Variants in FAM111B observed in about 807,000 individuals in gnomAD.
The protein encoded by FAM111B is FAM111 trypsin like peptidase B.
A neutral mutation model predicts 2.8 loss-of-function variants in FAM111B; 1 was observed. That is an observed-to-expected ratio of 0.36 (90% confidence interval 0.13 to 1.70). The LOEUF (loss-of-function observed/expected upper bound fraction) is 1.70, where lower values mean the gene tolerates loss of function less well. FAM111B is among the 40% of genes most tolerant of loss of function. The pLI is 0.35. For synonymous variants in FAM111B, 297 were observed against 295.6 expected (o/e 1.00, Z -0.05); for missense variants, 882 against 878.9 (o/e 1.00, Z -0.04).
chr11:59,110,959 G>A (rs1171966246), intron 3 of FAM111B, among the ~76,000 whole-genome samples: 1 of 152,120 alleles, frequency 6.6e-6, no homozygotes, highest in Non-Finnish European at 1.5e-5. Context: ...TTCTAATTGT[G>A]AAACAATAAA....
At chr11:59,124,130 CAT>C (rs755225765) in intron 3 of FAM111B, 47 bp from the exon 4 acceptor site, 1 of 1,295,294 alleles carries the variant, frequency 7.7e-7, no homozygotes, top group South Asian at 1.6e-5. Flanking sequence ...AAATATAAAA[CAT>C]TATTAAAGGT....
At chr11:59,112,198 T>A (rs10896922) in intron 3 of FAM111B, among the ~76,000 whole-genome samples, 24,766 of 152,192 alleles carry the variant, frequency 0.16, 2,197 homozygotes, top group Non-Finnish European at 0.2. Flanking sequence ...TGGCAACCAC[T>A]AATCTGTTCA....
At chr11:59,124,140 G>T (rs201851649) in intron 3 of FAM111B, 39 bp from the exon 4 acceptor site, 1 of 1,394,272 alleles carries the variant, frequency 7.2e-7, no homozygotes, top group Non-Finnish European at 9.8e-7. Context: ...CATTATTAAA[G>T]GTGATTCTTG....
chr11:59,125,808 A>C lies in FAM111B; in HGVS notation c.1711A>C (p.Thr571Pro). The C allele has an allele frequency of 6.2e-7, 1 of 1,613,918 alleles. No homozygotes were observed. Among genetic ancestry groups the C allele is most frequent in the Non-Finnish European group, 8.5e-7 (1 of 1,179,846 alleles). The change falls in exon 4 of 4, where the codon ACT becomes CCT. Residue 571 changes from threonine to proline, a missense_variant. Coordinates refer to ENST00000343597, the MANE Select transcript of FAM111B (RefSeq NM_198947.4). ...GCGACAGATTTCTCCTCAACCATCT[A>C]CTGGTTTGATTTATTTAATTGGTCA... ...LWRQISPQPSTGLIYLIGHPE... is the reference protein window; with the variant it reads ...LWRQISPQPSPGLIYLIGHPE...
At chr11:59,122,659 G>A (rs971486654) in intron 3 of FAM111B, among the ~76,000 whole-genome samples, 2 of 152,058 alleles carry the variant, frequency 1.3e-5, no homozygotes, top group African/African-American at 4.8e-5. Context: ...GTTTTAAAGG[G>A]GCTAAGAGTG....
In FAM111B at chr11:59,124,610, C is replaced by G; in HGVS notation, c.513C>G (p.His171Gln). The change falls in exon 4 of 4, where the codon CAC becomes CAG. Residue 171 changes from histidine (H) to glutamine (Q), a missense_variant. His to Gln is a conservative substitution (Grantham distance 24). Coordinates refer to ENST00000343597, the MANE Select transcript of FAM111B (RefSeq NM_198947.4). ...GAAAGAGTAGCAAAGAAGATGGACACATATTACGCCAATGTGAAAATCCAA... is the reference window on the plus strand; with the variant it reads ...GAAAGAGTAGCAAAGAAGATGGACAGATATTACGCCAATGTGAAAATCCAA... ...GQRKSSKEDG[H>Q]ILRQCENPNM... 6.2e-7 allele frequency: 1 copy of G among 1,613,824 alleles called. No homozygotes were observed. Among genetic ancestry groups the G allele is most frequent in the Admixed American group, 1.7e-5 (1 of 60,004 alleles).
In FAM111B at chr11:59,125,412, G is replaced by A. The variant is rs371411333; in HGVS notation, c.1315G>A (p.Gly439Arg). Residue 439 changes from glycine to arginine, a missense_variant, in exon 4 of 4, where the codon GGA becomes AGA. By Grantham distance (125) the Gly-to-Arg change is moderately radical (BLOSUM62 -2). Coordinates refer to ENST00000343597, the MANE Select transcript of FAM111B (RefSeq NM_198947.4). ...ATTCAACATATATAAAAAGGACTTC[G>A]GAAAAATGACTGCAAATTCTGTTTC... is the stretch of plus-strand genomic sequence containing the variant. The part of the protein sequence containing the change: ...KQFNIYKKDF[G>R]KMTANSVSVA... 2.0e-5 allele frequency: 33 copies of A among 1,613,768 alleles called. No homozygotes were observed. The highest frequency in any genetic ancestry group is 4.0e-5 in the African/African-American group (3 of 74,898).
In FAM111B at chr11:59,124,696, A is replaced by C; in HGVS notation, c.599A>C (p.Lys200Thr). Residue 200 changes from lysine to threonine, a missense_variant, in exon 4 of 4, where the codon AAG (lysine) becomes ACG (threonine). By Grantham distance (78) the Lys-to-Thr change is moderately conservative. Coordinates refer to ENST00000343597, the MANE Select transcript of FAM111B (RefSeq NM_198947.4). ...AIGRTRKKIV[K>T]INELHEKGSK... ...GGAAGGACAAGAAAGAAGATTGTTA[A>C]GATCAACGAACTTCATGAAAAAGGA... is the stretch of plus-strand genomic sequence containing the variant. The C allele has an allele frequency of 2.5e-6, 4 of 1,613,768 alleles. No homozygotes were observed. Among genetic ancestry groups the C allele is most frequent in the Non-Finnish European group, 3.4e-6 (4 of 1,179,780 alleles).
chr11:59,113,680 G>A (rs1352505059), intron 3 of FAM111B, among the ~76,000 whole-genome samples: 4 of 152,194 alleles, frequency 2.6e-5, no homozygotes, highest in Non-Finnish European at 1.5e-5. Context: ...CACAGATGGA[G>A]TCACGTCTCT....
chr11:59,112,832 T>C (rs897844728), intron 3 of FAM111B, among the ~76,000 whole-genome samples: 1 of 152,244 alleles, frequency 6.6e-6, no homozygotes, highest in Non-Finnish European at 1.5e-5. Context: ...CATTTTATAC[T>C]TGTTAGTTAT....
At chr11:59,111,710 C>T (rs1012357080) in intron 3 of FAM111B, among the ~76,000 whole-genome samples, 6 of 152,120 alleles carry the variant, frequency 3.9e-5, no homozygotes, top group East Asian at 3.8e-4. Context: ...AGAACATTTC[C>T]GTCACTGCAG....
At chr11:59,116,891 C>T (rs1006378152) in intron 3 of FAM111B, among the ~76,000 whole-genome samples, 21 of 152,190 alleles carry the variant, frequency 1.4e-4, no homozygotes, top group African/African-American at 5.1e-4. Context: ...CTCCAGTAGA[C>T]TCTGAACGTG....
Position 59,125,082 on chromosome 11 carries a change from G to T in FAM111B, c.985G>T (p.Asp329Tyr). The change falls in exon 4 of 4, where the codon GAT becomes TAT. Residue 329 changes from aspartate to tyrosine, a missense_variant. Transcript: ENST00000343597. ...HSREQILPPQ[D>Y]LSHYIKDKTR... is the part of the protein sequence containing the mutation. ...CAGAGAGCAAATTCTCCCACCTCAG[G>T]ATCTAAGCCATTATATTAAAGATAA... is the stretch of plus-strand genomic sequence containing the variant. 1 of 1,613,448 alleles carries T rather than the reference G, an allele frequency of 6.2e-7. No individual in the cohort carries two copies. Among genetic ancestry groups the T allele is most frequent in the Non-Finnish European group, 8.5e-7 (1 of 1,179,662 alleles).
chr11:59,109,247 C>G (rs2096543), intron 2 of FAM111B, among the ~76,000 whole-genome samples: 106,465 of 152,046 alleles, frequency 0.7, 38,139 homozygotes, highest in African/African-American at 0.84. Context: ...GCAGATCTCT[C>G]ATACTGTGTG....
At chr11:59,123,879 G>T (rs1859961235) in intron 3 of FAM111B, among the ~76,000 whole-genome samples, 1 of 152,046 alleles carries the variant, frequency 6.6e-6, no homozygotes, top group African/African-American at 2.4e-5. Flanking sequence ...AGCCACATTT[G>T]TTACAAAGAT....
chr11:59,124,949 A>G lies in FAM111B; in HGVS notation c.852A>G (p.Lys284=). 1 of 1,606,906 alleles carries G rather than the reference A, an allele frequency of 6.2e-7. No individual in the cohort carries two copies. The highest frequency in any genetic ancestry group is 8.5e-7 in the Non-Finnish European group (1 of 1,178,234). The part of the protein sequence containing the change: ...LQQKDIHKKI[K]QNESATDEIN... ...AGAAAGATATCCATAAAAAAATTAAACAGAATGAAAGTGCCACTGATGAAA... is the reference window on the plus strand; with the variant it reads ...AGAAAGATATCCATAAAAAAATTAAGCAGAATGAAAGTGCCACTGATGAAA... The change falls in exon 4 of 4, where the codon AAA becomes AAG. Residue 284 remains lysine (K), a synonymous_variant. Transcript: ENST00000343597.
In FAM111B at chr11:59,125,532, G is replaced by A. The variant is rs1565191240; in HGVS notation, c.1435G>A (p.Val479Ile). 1 of 1,613,960 alleles carries A rather than the reference G, an allele frequency of 6.2e-7. No homozygotes were observed. Among genetic ancestry groups the A allele is most frequent in the Non-Finnish European group, 8.5e-7 (1 of 1,179,836 alleles). ...NGNTGNATCFVFNGGYIFTCR... is the reference protein window; with the variant it reads ...NGNTGNATCFIFNGGYIFTCR... ...AAACACAGGTAATGCTACTTGCTTT[G>A]TCTTCAATGGTGGTTATATTTTCAC... is the stretch of plus-strand genomic sequence containing the variant. The change falls in exon 4 of 4, where the codon GTC (valine) becomes ATC (isoleucine). Residue 479 changes from valine to isoleucine, a missense_variant. Physicochemically the swap from Val to Ile is conservative, Grantham distance 29 (BLOSUM62 3). Coordinates refer to ENST00000343597, the MANE Select transcript of FAM111B (RefSeq NM_198947.4).
intron 3 of FAM111B, among the ~76,000 whole-genome samples, chr11:59,113,327 G>A (rs1254686777): frequency 6.6e-6 from 1 of 152,164 alleles, no homozygotes; most frequent in Non-Finnish European, 1.5e-5. Flanking sequence ...TTCTTTTGCT[G>A]TGGGGTACCT....
At chr11:59,121,293 A>G (rs1295678022) in intron 3 of FAM111B, among the ~76,000 whole-genome samples, 1 of 152,224 alleles carries the variant, frequency 6.6e-6, no homozygotes, top group East Asian at 1.9e-4. Flanking sequence ...AATCCAGTAT[A>G]AAAATGAACA....
Sources: allele counts gnomAD v4.1 joint callset (sites outside exome capture counted in the v4.1 genomes callset), GRCh38; gene constraint gnomAD v4.1.1; transcripts MANE v1.5; gene names NCBI Gene and HGNC (gene_info 2026-07-23, HGNC 2026-07-21).